The following FAM178B variants were observed in gnomAD, a reference collection of about 807,000 sequenced individuals.
FAM178B encodes the protein protein FAM178B.
FAM178B carries 82 observed loss-of-function variants against 91.7 expected under a neutral mutation model. That is an observed-to-expected ratio of 0.89 (90% CI 0.75 to 1.07). FAM178B has a LOEUF of 1.07. FAM178B is among the 50% of genes least tolerant of loss of function. FAM178B has a pLI of 0.00. For synonymous variants in FAM178B, 368 were observed against 359.4 expected (o/e 1.02, Z -0.27); for missense variants, 769 against 846.7 (o/e 0.91, Z 1.14).
intron 12 of FAM178B, among the ~76,000 whole-genome samples, chr2:96,918,032 T>C (rs1161000322): frequency 2.6e-5 from 4 of 152,090 alleles, no homozygotes; most frequent in Non-Finnish European, 5.9e-5. Flanking sequence ...CACACTATCT[T>C]TATGGTCTTG....
intron 6 of FAM178B, among the ~76,000 whole-genome samples, chr2:96,959,350 T>C (rs1282815259): frequency 6.6e-6 from 1 of 152,198 alleles, no homozygotes; most frequent in Non-Finnish European, 1.5e-5. Context: ...CTCTATACTT[T>C]GATATGTGTT....
intron 8 of FAM178B, among the ~76,000 whole-genome samples, chr2:96,942,627 C>T (rs1455527092): frequency 3.3e-5 from 5 of 152,222 alleles, no homozygotes; most frequent in Non-Finnish European, 5.9e-5. Flanking sequence ...GATCTCCCGA[C>T]CTCATGATCC....
At chr2:96,918,521 A>G (rs60063645) in intron 12 of FAM178B, among the ~76,000 whole-genome samples, 14,295 of 152,294 alleles carry the variant, frequency 0.094, 1,320 homozygotes, top group African/African-American at 0.24. Flanking sequence ...AGTATTAATG[A>G]GAATGCAGAA....
chr2:96,957,546 G>C (rs2082016447), intron 6 of FAM178B, among the ~76,000 whole-genome samples: 1 of 152,198 alleles, frequency 6.6e-6, no homozygotes, highest in East Asian at 1.9e-4. Context: ...CATTTGGCAG[G>C]CCTGCTCTGA....
At chr2:96,932,681 T>A (rs967274982) in intron 8 of FAM178B, among the ~76,000 whole-genome samples, 1 of 149,458 alleles carries the variant, frequency 6.7e-6, no homozygotes, top group Admixed American at 6.7e-5. Context: ...CTCACGCCTG[T>A]AATCCCAGCA....
At chr2:96,962,501 G>A (rs991110580) in intron 5 of FAM178B, among the ~76,000 whole-genome samples, 7 of 151,824 alleles carry the variant, frequency 4.6e-5, no homozygotes, top group Non-Finnish European at 1.0e-4. Context: ...CTACAAAGGG[G>A]TCCTGTCCCT....
intron 10 of FAM178B, among the ~76,000 whole-genome samples, chr2:96,922,562 C>A (rs1431661960): frequency 1.3e-5 from 2 of 152,244 alleles, no homozygotes; most frequent in African/African-American, 4.8e-5. Flanking sequence ...GTTGGCCAGG[C>A]TGATCTTGAA....
chr2:96,897,985 C>T, intron 13 of FAM178B: 1 of 985,538 alleles, frequency 1.0e-6, no homozygotes, highest in South Asian at 4.7e-5. Context: ...GCTCCTGCTC[C>T]ATGGGGCCTC....
At chr2:96,894,082 A>C (rs1443506406) in intron 13 of FAM178B, 31 bp from the exon 14 acceptor site, 2 of 1,582,146 alleles carry the variant, frequency 1.3e-6, no homozygotes, top group Admixed American at 3.6e-5. Flanking sequence ...TGTCACTCAC[A>C]GAGGGTGGTG....
chr2:96,907,014 G>A (rs1396813164), intron 12 of FAM178B, among the ~76,000 whole-genome samples: 1 of 152,212 alleles, frequency 6.6e-6, no homozygotes, highest in East Asian at 1.9e-4. Context: ...CAGTGCCAGG[G>A]GTGGTTCCAG....
Position 96,963,514 on chromosome 2 carries a change from GGCCGGCT to G in FAM178B, c.735-3081_735-3075del, listed in dbSNP as rs2082108658. ...CGTGGGAGTCCATGTGGGACGTCAT[GGCCGGCT>G]GCCTTTCCCTGGAACTCTGGGCAGT... On this transcript the variant is annotated intron_variant, in intron 5 of 16. Coordinates refer to ENST00000490605, the MANE Select transcript of FAM178B (RefSeq NM_001122646.3). Among the ~76,000 whole-genome samples the G allele has an allele frequency of 3.3e-5, 5 of 152,332 alleles. No homozygotes were observed. The South Asian group carries it at 1.0e-3, about 32-fold the overall frequency.
intron 14 of FAM178B, among the ~76,000 whole-genome samples, chr2:96,880,268 G>A (rs539404491): frequency 1.3e-5 from 2 of 152,108 alleles, no homozygotes; most frequent in Admixed American, 6.5e-5. Flanking sequence ...GCAGGCAGAG[G>A]AGGGCTGATG....
At chr2:96,971,804 G>A in intron 3 of FAM178B, 97 bp downstream of exon 3, 1 of 1,161,122 alleles carries the variant, frequency 8.6e-7, no homozygotes, top group East Asian at 2.8e-5. Flanking sequence ...AGAGCAGCTG[G>A]GGCGTGGCTC....
intron 12 of FAM178B, among the ~76,000 whole-genome samples, chr2:96,906,854 A>C (rs2081066115): frequency 6.6e-6 from 1 of 152,226 alleles, no homozygotes; most frequent in Admixed American, 6.5e-5. Flanking sequence ...GCTGCTCCAC[A>C]GTGAACTCAA....
intron 12 of FAM178B, among the ~76,000 whole-genome samples, chr2:96,915,893 T>C (rs1381062558): frequency 1.3e-5 from 2 of 151,930 alleles, no homozygotes; most frequent in Non-Finnish European, 2.9e-5. Flanking sequence ...CACCCAAAGA[T>C]GGCCTTTCTT....
intron 8 of FAM178B, among the ~76,000 whole-genome samples, chr2:96,936,447 C>T (rs188970430): frequency 4.0e-5 from 6 of 150,958 alleles, no homozygotes; most frequent in East Asian, 3.9e-4. Context: ...GTGATCTGCC[C>T]GCCTTGGCCT....
intron 14 of FAM178B, among the ~76,000 whole-genome samples, chr2:96,888,555 T>C (rs2080584569): frequency 6.6e-6 from 1 of 152,152 alleles, no homozygotes; most frequent in Non-Finnish European, 1.5e-5. Context: ...GCCCCCTCCC[T>C]GCCTAGCCCT....
intron 14 of FAM178B, among the ~76,000 whole-genome samples, chr2:96,893,155 C>A (rs2080723551): frequency 2.0e-5 from 3 of 152,152 alleles, no homozygotes; most frequent in African/African-American, 7.2e-5. Context: ...TACCATCTTC[C>A]CCAATTATAA....
At chr2:96,904,496 C>T (rs1224236911) in intron 12 of FAM178B, among the ~76,000 whole-genome samples, 2 of 151,886 alleles carry the variant, frequency 1.3e-5, no homozygotes, top group East Asian at 3.9e-4. Flanking sequence ...CTCAGTCTCC[C>T]AAGTAGCTGG....
Sources: allele counts gnomAD v4.1 joint callset (sites outside exome capture counted in the v4.1 genomes callset), GRCh38; gene constraint gnomAD v4.1.1; transcripts MANE v1.5; gene names NCBI Gene and HGNC (gene_info 2026-07-23, HGNC 2026-07-21).